SATL1: variants seen among roughly 807,000 people sequenced by gnomAD.
SATL1 encodes spermidine/spermine N(1)-acetyltransferase-like protein 1.
In SATL1, 47 loss-of-function variants were observed where a neutral mutation model predicts 51.8. That is an observed-to-expected ratio of 0.91 (90% CI 0.72 to 1.16). SATL1 has a LOEUF of 1.16. SATL1 is among the 50% of genes most tolerant of loss of function. The probability of loss-of-function intolerance (pLI) is 0.00; values close to 1 mark genes in which losing one functional copy is unlikely to be tolerated. For synonymous variants in SATL1, 176 were observed against 182.4 expected (o/e 0.97, Z 0.28); for missense variants, 520 against 526.4 (o/e 0.99, Z 0.12).
chrX:85,227,785 T>C (rs67608468), intron 1 of SATL1, among the ~76,000 whole-genome samples: 14,349 of 111,273 alleles, frequency 0.13, 711 homozygotes, highest in South Asian at 0.17. Flanking sequence ...TTATGTGGGC[T>C]ACAATTCAAA....
chrX:85,216,131 G>A (rs900379023), intron 2 of SATL1, among the ~76,000 whole-genome samples: 2 of 111,440 alleles, frequency 1.8e-5, no homozygotes, highest in African/African-American at 6.5e-5. Context: ...ATCACATGGT[G>A]AGAAAGGAAG....
At chrX:85,220,686 A>C (rs1469482154) in intron 2 of SATL1, among the ~76,000 whole-genome samples, 2 of 94,458 alleles carry the variant, frequency 2.1e-5, no homozygotes, top group African/African-American at 4.2e-5. Context: ...AAAAAAAAAA[A>C]ACTCTCCTGG....
At chrX:85,217,095 C>T (rs1928061542) in intron 2 of SATL1, among the ~76,000 whole-genome samples, 1 of 111,809 alleles carries the variant, frequency 8.9e-6, no homozygotes, top group Admixed American at 9.5e-5. Flanking sequence ...TGATGAAAAA[C>T]GTTATTGTCT....
At chrX:85,196,964 A>G (rs1927578401) in intron 2 of SATL1, among the ~76,000 whole-genome samples, 1 of 112,055 alleles carries the variant, frequency 8.9e-6, no homozygotes, top group Non-Finnish European at 1.9e-5. Flanking sequence ...CACAAAAGGC[A>G]TAACTGATAA....
chrX:85,150,112 A>G (rs1398966850), intron 2 of SATL1, among the ~76,000 whole-genome samples: 2 of 111,576 alleles, frequency 1.8e-5, no homozygotes, highest in Non-Finnish European at 3.8e-5. Flanking sequence ...AATAGATGCA[A>G]TAAAAAATGA....
chrX:85,093,587 G>A (rs1924595026), intron 6 of SATL1, among the ~76,000 whole-genome samples: 3 of 112,657 alleles, frequency 2.7e-5, no homozygotes, highest in African/African-American at 9.7e-5. Flanking sequence ...GCTCACACAT[G>A]TGATGGCACG....
chrX:85,242,152 T>C (rs1928617363), intron 1 of SATL1, among the ~76,000 whole-genome samples: 1 of 112,069 alleles, frequency 8.9e-6, no homozygotes, highest in African/African-American at 3.2e-5. Context: ...GTTTTAAAAA[T>C]TATCTCCCAC....
At chrX:85,130,435 G>A (rs1439075713) in intron 2 of SATL1, among the ~76,000 whole-genome samples, 2 of 111,919 alleles carry the variant, frequency 1.8e-5, no homozygotes, top group African/African-American at 3.2e-5. Flanking sequence ...TATTTGCATA[G>A]AGGTGTTTAT....
At chrX:85,102,131 G>A (rs1321889133) in intron 4 of SATL1, among the ~76,000 whole-genome samples, 1 of 108,812 alleles carries the variant, frequency 9.2e-6, no homozygotes, top group Non-Finnish European at 1.9e-5. Flanking sequence ...TGTGCACAAT[G>A]TGCAGGTTTG....
At chrX:85,122,663 A>G (rs192780091) in intron 2 of SATL1, among the ~76,000 whole-genome samples, 4 of 111,912 alleles carry the variant, frequency 3.6e-5, no homozygotes, top group African/African-American at 9.7e-5. Context: ...TTTCCTTACA[A>G]CTTTTATTTT....
At position 85,203,768 on chromosome X, in the gene SATL1, G is replaced by A. The variant is rs1389733905; in HGVS notation, c.-313+20437C>T. Among the ~76,000 whole-genome samples, 3 of 112,594 alleles carry A rather than the reference G, an allele frequency of 2.7e-5. No individual in the cohort carries two copies. The Admixed American group carries it at 2.8e-4, about 11-fold the overall frequency. On this transcript the variant is annotated intron_variant, in intron 2 of 7. Coordinates refer to ENST00000644105, the MANE Select transcript of SATL1 (RefSeq NM_001367857.2). The stretch of plus-strand genomic sequence containing the variant: ...ACCTGAACAGCAAAGATGGCGGCCC[G>A]CCCCTTTCCACGGGAGCTCCTTCTT...
intron 2 of SATL1, chrX:85,143,084 A>G (rs187530352): frequency 8.9e-6 from 1 of 112,063 alleles, no homozygotes; most frequent in Non-Finnish European, 1.9e-5. Flanking sequence ...ATATGTTTCA[A>G]GCAAAGGTTT....
chrX:85,217,651 G>A (rs944161218), intron 2 of SATL1, among the ~76,000 whole-genome samples: 1 of 111,838 alleles, frequency 8.9e-6, no homozygotes, highest in East Asian at 2.8e-4. Flanking sequence ...AAAGCACATT[G>A]TTAAAGTTGC....
At chrX:85,156,083 A>G (rs1312272868) in intron 2 of SATL1, among the ~76,000 whole-genome samples, 1 of 111,092 alleles carries the variant, frequency 9.0e-6, no homozygotes, top group Non-Finnish European at 1.9e-5. Flanking sequence ...CAGCTTTGCT[A>G]TAAGTTTTAG....
intron 2 of SATL1, among the ~76,000 whole-genome samples, chrX:85,217,805 T>C (rs1311757264): frequency 1.8e-5 from 2 of 111,828 alleles, no homozygotes; most frequent in Non-Finnish European, 3.8e-5. Context: ...GTGGTCTGCC[T>C]ATCTCTCTGA....
At chrX:85,222,033 A>G (rs1354712999) in intron 2 of SATL1, among the ~76,000 whole-genome samples, 1 of 111,695 alleles carries the variant, frequency 9.0e-6, no homozygotes, top group East Asian at 2.8e-4. Context: ...AGAGGCTGCT[A>G]TTGTAAGTTC....
chrX:85,097,242 A>ATT (rs1924754830), intron 4 of SATL1, among the ~76,000 whole-genome samples: 1 of 112,286 alleles, frequency 8.9e-6, no homozygotes, highest in Non-Finnish European at 1.9e-5. Context: ...GGGTATATGC[A>ATT]GTGGGTCCTG....
At chrX:85,237,025 A>T (rs1390169710) in intron 1 of SATL1, among the ~76,000 whole-genome samples, 1 of 111,441 alleles carries the variant, frequency 9.0e-6, no homozygotes, top group Non-Finnish European at 1.9e-5. Context: ...TGAAAAAGAA[A>T]TTTTTTAAAA....
At chrX:85,149,672 A>G (rs774862071) in intron 2 of SATL1, among the ~76,000 whole-genome samples, 5,133 of 110,995 alleles carry the variant, frequency 0.046, 356 homozygotes, top group African/African-American at 0.16. Context: ...ACTCAAAACC[A>G]CTCAACTACA....
Sources: allele counts gnomAD v4.1 joint callset (sites outside exome capture counted in the v4.1 genomes callset), GRCh38; gene constraint gnomAD v4.1.1; transcripts MANE v1.5; gene names NCBI Gene and HGNC (gene_info 2026-07-23, HGNC 2026-07-21).